The following RPTOR variants were observed in gnomAD, a reference collection of about 807,000 sequenced individuals.
RPTOR encodes regulatory-associated protein of mTOR.
A neutral mutation model predicts 169.9 loss-of-function variants in RPTOR; 21 were observed. The observed-to-expected ratio is 0.12, with a 90% CI of 0.09 to 0.18. The LOEUF is 0.18. RPTOR is among the 10% of genes least tolerant of loss of function. RPTOR has a pLI of 1.00. For synonymous variants in RPTOR, 732 were observed against 753.2 expected, an observed-to-expected ratio of 0.97 and a Z score of 0.46; for missense variants, 1,133 against 1,855.9, an observed-to-expected ratio of 0.61 and a Z score of 7.16.
intron 12 of RPTOR, among the ~76,000 whole-genome samples, chr17:80,857,159 C>T (rs1186930995): frequency 1.3e-5 from 2 of 152,264 alleles, no homozygotes; most frequent in Non-Finnish European, 2.9e-5. Context: ...CTGCAGTGCC[C>T]TCCACGCCCT....
chr17:80,816,560 C>G (rs1200819973), intron 7 of RPTOR, among the ~76,000 whole-genome samples: 1 of 152,190 alleles, frequency 6.6e-6, no homozygotes, highest in Non-Finnish European at 1.5e-5. Context: ...GGAGCAGATC[C>G]TGGGGTGTGA....
rs17848658 is a variant in RPTOR, at chr17:80,894,069, G to A, written c.2401+204G>A. Among the ~76,000 whole-genome samples the A allele has an allele frequency of 4.6e-5, 7 of 152,318 alleles. No homozygotes were observed. In the East Asian group the frequency reaches 1.2e-3, roughly 25 times the overall value. The stretch of plus-strand genomic sequence containing the variant: ...AAGTTGACATCACTGTTGTGTTGGG[G>A]TAGTATTTTACAGGCTGCTCCGGAG... On this transcript the variant is annotated intron_variant, in intron 20 of 33. Coordinates refer to ENST00000306801, the MANE Select transcript of RPTOR (RefSeq NM_020761.3).
intron 1 of RPTOR, among the ~76,000 whole-genome samples, chr17:80,552,316 G>A (rs1020699000): frequency 6.6e-6 from 1 of 152,092 alleles, no homozygotes; most frequent in Admixed American, 6.6e-5. Flanking sequence ...CTGCTTCTTG[G>A]ATAGAAACTC....
intron 3 of RPTOR, among the ~76,000 whole-genome samples, chr17:80,665,953 G>A (rs1041472547): frequency 1.3e-5 from 2 of 152,174 alleles, no homozygotes; most frequent in Non-Finnish European, 2.9e-5. Context: ...AGGCCACTGA[G>A]TATCTCTCCC....
chr17:80,696,329 G>A (rs77363174), intron 3 of RPTOR, among the ~76,000 whole-genome samples: 8,145 of 152,272 alleles, frequency 0.053, 270 homozygotes, highest in Non-Finnish European at 0.078. Flanking sequence ...TGCAAATAGA[G>A]TGGGACAGAA....
intron 13 of RPTOR, among the ~76,000 whole-genome samples, chr17:80,868,120 A>G (rs143830651): frequency 5.3e-5 from 8 of 152,358 alleles, no homozygotes; most frequent in Admixed American, 1.3e-4. Flanking sequence ...CACCTGCCCT[A>G]TGATGACATG....
chr17:80,680,014 C>T (rs1393853147), intron 3 of RPTOR, among the ~76,000 whole-genome samples: 1 of 152,196 alleles, frequency 6.6e-6, no homozygotes, highest in Non-Finnish European at 1.5e-5. Flanking sequence ...CCCCATGGTC[C>T]CTGTCCTGGA....
chr17:80,722,924 C>T (rs1453438042), intron 4 of RPTOR, among the ~76,000 whole-genome samples: 1 of 151,400 alleles, frequency 6.6e-6, no homozygotes, highest in African/African-American at 2.5e-5. Context: ...TCCTCTGGTC[C>T]TCCCAGCCTG....
chr17:80,606,309 CTT>C (rs56331722), intron 1 of RPTOR, among the ~76,000 whole-genome samples: 44 of 123,826 alleles, frequency 3.6e-4, no homozygotes, highest in East Asian at 7.1e-4. Context: ...GGTGCCTGGC[CTT>C]TTTTTTTTTT....
chr17:80,791,602 CA>C, intron 7 of RPTOR, 93 bp downstream of exon 7: 1 of 1,079,530 alleles, frequency 9.3e-7, no homozygotes, highest in South Asian at 1.5e-5. Flanking sequence ...TACTTTCTAT[CA>C]ACATGGCATG....
chr17:80,551,842 A>G (rs1456612340), intron 1 of RPTOR, among the ~76,000 whole-genome samples: 2 of 152,162 alleles, frequency 1.3e-5, no homozygotes, highest in South Asian at 2.1e-4. Flanking sequence ...AACCTTGGAC[A>G]ATACCTGGCT....
intron 1 of RPTOR, among the ~76,000 whole-genome samples, 158 bp downstream of exon 1, chr17:80,545,949 G>A (rs915635993): frequency 1.3e-5 from 2 of 152,172 alleles, no homozygotes; most frequent in African/African-American, 4.8e-5. Context: ...TGCAGTTTTT[G>A]GTTGAAAATG....
chr17:80,784,054 G>A (rs955004706), intron 6 of RPTOR, among the ~76,000 whole-genome samples: 2 of 152,216 alleles, frequency 1.3e-5, no homozygotes, highest in South Asian at 2.1e-4. Flanking sequence ...ATAGCTCACT[G>A]CAGCCTTAAC....
At chr17:80,832,267 G>A (rs1413382530) in intron 9 of RPTOR, among the ~76,000 whole-genome samples, 1 of 152,230 alleles carries the variant, frequency 6.6e-6, no homozygotes, top group Non-Finnish European at 1.5e-5. Context: ...GGCCCCAGGT[G>A]TCAGGGTGCA....
At chr17:80,577,294 T>G (rs1326642811) in intron 1 of RPTOR, among the ~76,000 whole-genome samples, 1 of 152,120 alleles carries the variant, frequency 6.6e-6, no homozygotes, top group Non-Finnish European at 1.5e-5. Flanking sequence ...CCTCCCAAAG[T>G]GCTGTGATTA....
intron 17 of RPTOR, among the ~76,000 whole-genome samples, chr17:80,891,459 C>T (rs940604708): frequency 3.9e-5 from 6 of 152,230 alleles, no homozygotes; most frequent in African/African-American, 1.4e-4. Flanking sequence ...CCCGATGCGT[C>T]GTGCGCCTCT....
chr17:80,623,774 G>C (rs1371414061), intron 1 of RPTOR, among the ~76,000 whole-genome samples: 1 of 152,196 alleles, frequency 6.6e-6, no homozygotes, highest in African/African-American at 2.4e-5. Flanking sequence ...GATGTCAGGT[G>C]ATCTGCCCGC....
chr17:80,598,882 T>TTCTTTCTTTCTATCTA (rs752610583), intron 1 of RPTOR, among the ~76,000 whole-genome samples: 2 of 146,758 alleles, frequency 1.4e-5, no homozygotes, highest in African/African-American at 2.5e-5. Flanking sequence ...TCTTGATTCT[T>TTCTTTCTTTCTATCTA]TCTATCTATC....
chr17:80,662,541 G>T (rs2065732774), intron 3 of RPTOR, among the ~76,000 whole-genome samples: 1 of 146,710 alleles, frequency 6.8e-6, no homozygotes, highest in Admixed American at 6.7e-5. Flanking sequence ...CTGCCTCTGG[G>T]TGGGGCCACA....
Sources: gnomAD v4.1 joint callset for allele counts (sites outside exome capture counted in the v4.1 genomes callset) on GRCh38, gnomAD v4.1.1 for gene constraint, MANE v1.5 for transcripts, NCBI Gene and HGNC (gene_info 2026-07-23, HGNC 2026-07-21) for gene names.